MYOC: variants seen among roughly 807,000 people sequenced by gnomAD.
MYOC encodes myocilin.
MYOC carries 29 observed loss-of-function variants against 28.2 expected under a neutral mutation model. The observed-to-expected ratio is 1.03, with a 90% CI of 0.77 to 1.40. The LOEUF (loss-of-function observed/expected upper bound fraction) is 1.40, where lower values mean the gene tolerates loss of function less well. MYOC is among the 40% of genes most tolerant of loss of function. The pLI, the probability that MYOC is intolerant of heterozygous loss-of-function variation, is 0.00. For missense variants in MYOC, 569 were observed against 620.6 expected (o/e 0.92, Z 0.88); for synonymous variants, 240 against 245.6 (o/e 0.98, Z 0.21).
At chr1:171,642,912 A>G (rs1653113096) in intron 1 of MYOC, among the ~76,000 whole-genome samples, 1 of 150,742 alleles carries the variant, frequency 6.6e-6, no homozygotes, top group Admixed American at 6.6e-5. Flanking sequence ...AAAAGACACA[A>G]TCAGTCCATG....
intron 1 of MYOC, among the ~76,000 whole-genome samples, chr1:171,640,009 G>GGAGGC (rs1180786521): frequency 1.4e-5 from 2 of 146,318 alleles, no homozygotes; most frequent in African/African-American, 2.5e-5. Flanking sequence ...CAGCACTTTG[G>GGAGGC]GAGGCCAAGA....
At chr1:171,644,138 A>T (rs993852932) in intron 1 of MYOC, among the ~76,000 whole-genome samples, 4 of 152,272 alleles carry the variant, frequency 2.6e-5, no homozygotes, top group African/African-American at 9.6e-5. Context: ...AAATGTGTCA[A>T]TACTAAAATT....
In MYOC at chr1:171,645,783, T is replaced by A. The variant is rs1001327386; in HGVS notation, c.604+6225A>T. On this transcript the variant is annotated intron_variant, in intron 1 of 2. Coordinates refer to ENST00000037502, the MANE Select transcript of MYOC (RefSeq NM_000261.2). ...CTGGGCTGTGCACTCAATCCTCTTA[T>A]CAGTTCTTCTACCCTCACTGGCAAA... is the stretch of plus-strand genomic sequence containing the variant. 2.6e-5 allele frequency among the ~76,000 whole-genome samples: 4 copies of A among 152,170 alleles called. No homozygotes were observed. The South Asian group carries it at 8.3e-4, about 31-fold the overall frequency.
At chr1:171,645,502 T>C (rs1306933964) in intron 1 of MYOC, among the ~76,000 whole-genome samples, 1 of 152,178 alleles carries the variant, frequency 6.6e-6, no homozygotes, top group Non-Finnish European at 1.5e-5. Context: ...TCCAAGCTTG[T>C]CCGGCACCCT....
chr1:171,642,483 C>T (rs1484492913), intron 1 of MYOC, among the ~76,000 whole-genome samples: 2 of 151,820 alleles, frequency 1.3e-5, no homozygotes, highest in African/African-American at 4.8e-5. Flanking sequence ...TGTGGTGGTG[C>T]AGTCTGTGGT....
intron 1 of MYOC, among the ~76,000 whole-genome samples, chr1:171,644,471 A>G (rs1653151142): frequency 6.6e-6 from 1 of 152,082 alleles, no homozygotes; most frequent in Admixed American, 6.5e-5. Flanking sequence ...CCCTTTTGCT[A>G]TAGAGGGAAG....
chr1:171,645,271 C>T (rs978401249), intron 1 of MYOC, among the ~76,000 whole-genome samples: 5 of 152,142 alleles, frequency 3.3e-5, no homozygotes, highest in African/African-American at 9.7e-5. Context: ...CTTTCCACAG[C>T]CCTCCCAACA....
chr1:171,638,843 C>T (rs1652996612), intron 1 of MYOC, 121 bp from the exon 2 acceptor site: 2 of 1,164,626 alleles, frequency 1.7e-6, no homozygotes, highest in African/African-American at 1.5e-5. Flanking sequence ...CCTGTAATCC[C>T]AGCACTTTGG....
chr1:171,639,822 A>G (rs1326524996), intron 1 of MYOC, among the ~76,000 whole-genome samples: 1 of 151,592 alleles, frequency 6.6e-6, no homozygotes, highest in African/African-American at 2.4e-5. Flanking sequence ...GTGGTGGCAC[A>G]TGCCTGTAGT....
rs80125202 is a variant in MYOC, at chr1:171,643,886, G to C, written c.605-5164C>G. Among the ~76,000 whole-genome samples the C allele has an allele frequency of 3.6e-4, 53 of 146,220 alleles. 1 individual carries two copies. The highest frequency in any genetic ancestry group is 3.4e-4 in the Non-Finnish European group (23 of 67,336). ...CTAGGGAGGCTAAGTCAGGAGAATC[G>C]TTTGAACCTGGGAGGCAAAGGTTGC... On this transcript the variant is annotated intron_variant, in intron 1 of 2. Coordinates refer to ENST00000037502, the MANE Select transcript of MYOC (RefSeq NM_000261.2).
intron 1 of MYOC, among the ~76,000 whole-genome samples, chr1:171,648,888 C>T (rs1653287238): frequency 6.6e-6 from 1 of 150,614 alleles, no homozygotes; most frequent in Non-Finnish European, 1.5e-5. Flanking sequence ...GTTTTCACCA[C>T]AGTGGCCAGG....
chr1:171,642,962 G>T (rs950162273), intron 1 of MYOC, among the ~76,000 whole-genome samples: 2 of 150,776 alleles, frequency 1.3e-5, no homozygotes, highest in African/African-American at 2.4e-5. Flanking sequence ...CCTCATACCC[G>T]AGAAGGAAAA....
At chr1:171,639,527 C>T (rs1383395968) in intron 1 of MYOC, among the ~76,000 whole-genome samples, 1 of 151,582 alleles carries the variant, frequency 6.6e-6, no homozygotes, top group Non-Finnish European at 1.5e-5. Context: ...CATCTGCAGT[C>T]CTAGGTACTT....
rs1422902348 is a variant in MYOC, at chr1:171,652,222, C to T, written c.390G>A (p.Gln130=). 2 of 1,614,094 alleles carry T rather than the reference C, an allele frequency of 1.2e-6. No homozygotes were observed. Among genetic ancestry groups the T allele is most frequent in the Admixed American group, 3.3e-5 (2 of 60,004 alleles). ...CCAACTCTCTGGTTTGGGTTTCCAG[C>T]TGGTCCCGCTCCCGCCTCAGGGTGC... ...ELGTLRRERD[Q]LETQTRELET... is the part of the protein sequence containing the mutation. The change falls in exon 1 of 3, where the codon CAG becomes CAA. Residue 130 remains glutamine (Q), a synonymous_variant. Coordinates refer to ENST00000037502, the MANE Select transcript of MYOC (RefSeq NM_000261.2).
At chr1:171,642,335 A>G (rs959233573) in intron 1 of MYOC, among the ~76,000 whole-genome samples, 34 of 152,242 alleles carry the variant, frequency 2.2e-4, no homozygotes, top group African/African-American at 6.3e-4. Context: ...TAAGCTGGCC[A>G]GGCGCAGTGG....
At position 171,652,601 on chromosome 1, in the gene MYOC, A is replaced by G. The variant is rs1653382909; in HGVS notation, c.11T>C (p.Phe4Ser). Residue 4 changes from phenylalanine (F) to serine (S), a missense_variant, in exon 1 of 3, where the codon TTC becomes TCC. By Grantham distance (155) the Phe-to-Ser change is radical. Transcript: ENST00000037502. MRF[F>S]CARCCSFGPE... is the part of the protein sequence containing the mutation. ...CCCAAAGCTGCAGCAACGTGCACAG[A>G]AGAACCTCATTGCAGAGGCTTGGTG... The G allele has an allele frequency of 1.9e-6, 3 of 1,614,180 alleles. No individual in the cohort carries two copies. Among genetic ancestry groups the G allele is most frequent in the Non-Finnish European group, 2.5e-6 (3 of 1,180,040 alleles).
Position 171,635,606 on chromosome 1 carries a change from G to C in MYOC, c.*319C>G. 2.2e-6 allele frequency: 1 copy of C among 462,484 alleles called. No individual in the cohort carries two copies. The highest frequency in any genetic ancestry group is 4.0e-6 in the Non-Finnish European group (1 of 252,186). The allele number at this position is 462,484 out of a possible 1,614,324, so 28.6% of individuals were successfully genotyped here. On this transcript the variant is annotated 3_prime_UTR_variant, in exon 3 of 3. Coordinates refer to ENST00000037502, the MANE Select transcript of MYOC (RefSeq NM_000261.2). ...CTTGTGGTAACCATGTAACATGCAA[G>C]AGCAATGGTTTTCAGGAAGAAACTA...
intron 1 of MYOC, among the ~76,000 whole-genome samples, chr1:171,643,737 C>A (rs1055564613): frequency 4.6e-5 from 7 of 152,104 alleles, no homozygotes; most frequent in African/African-American, 1.7e-4. Flanking sequence ...CTTTGGGAGG[C>A]TGAGGTGGGT....
chr1:171,640,012 G>C (rs1026691980), intron 1 of MYOC, among the ~76,000 whole-genome samples: 1 of 147,454 alleles, frequency 6.8e-6, no homozygotes, highest in African/African-American at 2.5e-5. Context: ...CACTTTGGGA[G>C]GCCAAGACAG....
Sources: allele counts gnomAD v4.1 joint callset (sites outside exome capture counted in the v4.1 genomes callset), GRCh38; gene constraint gnomAD v4.1.1; transcripts MANE v1.5; gene names NCBI Gene and HGNC (gene_info 2026-07-23, HGNC 2026-07-21).